CAPZB: variants seen among roughly 807,000 people sequenced by gnomAD.
CAPZB encodes F-actin-capping protein subunit beta.
In CAPZB, 2 loss-of-function variants were observed where a neutral mutation model predicts 38.1. The ratio of observed to expected loss-of-function variants is 0.05; its 90% CI spans 0.02 to 0.17. CAPZB has a LOEUF of 0.17. Among genes scored for constraint, CAPZB ranks in the 10% least tolerant of loss-of-function variants. CAPZB has a pLI of 1.00. For synonymous variants in CAPZB, 107 were observed against 127.4 expected (o/e 0.84, Z 1.08); for missense variants, 161 against 334.2 (o/e 0.48, Z 4.04).
rs79989215 is a variant in CAPZB at position 19,409,460 on chromosome 1, T to G, written c.93+10201A>C. ...CTAACTACTAGTGAGGACCAAAGTT[T>G]CACATATTAGGCGTTTGTGTTTCTT... On this transcript the variant is annotated intron_variant, in intron 2 of 8. Coordinates refer to ENST00000264202, the MANE Select transcript of CAPZB (RefSeq NM_004930.5). Among the ~76,000 whole-genome samples, 262 of 152,314 alleles carry G rather than the reference T, an allele frequency of 1.7e-3. 1 individual carries two copies. The highest frequency in any genetic ancestry group is 6.0e-3 in the African/African-American group (249 of 41,568).
intron 2 of CAPZB, among the ~76,000 whole-genome samples, chr1:19,408,615 C>T (rs924773192): frequency 6.6e-6 from 1 of 152,196 alleles, no homozygotes; most frequent in African/African-American, 2.4e-5. Flanking sequence ...AAAGGGGAGC[C>T]TGAAAGTGGT....
At chr1:19,455,843 C>A (rs757743959) in intron 1 of CAPZB, among the ~76,000 whole-genome samples, 6 of 152,220 alleles carry the variant, frequency 3.9e-5, no homozygotes, top group Admixed American at 6.5e-5. Context: ...GTCACAATCT[C>A]AAGCAAGTTA....
At chr1:19,467,167 T>C (rs1469422750) in intron 1 of CAPZB, among the ~76,000 whole-genome samples, 1 of 152,138 alleles carries the variant, frequency 6.6e-6, no homozygotes, top group Non-Finnish European at 1.5e-5. Flanking sequence ...AGATCCACCA[T>C]GCCTGGCAAC....
intron 1 of CAPZB, among the ~76,000 whole-genome samples, chr1:19,476,216 ATAGATAGATAG>A (rs879840364): frequency 0.24 from 31,415 of 131,148 alleles, 3,792 homozygotes; most frequent in Admixed American, 0.33. Context: ...AGATAGATAG[ATAGATAGATAG>A]GCAGGCAGGC....
At chr1:19,403,755 G>C (rs1221195196) in intron 2 of CAPZB, among the ~76,000 whole-genome samples, 1 of 152,184 alleles carries the variant, frequency 6.6e-6, no homozygotes, top group Admixed American at 6.5e-5. Flanking sequence ...AATGAGGATT[G>C]GGACATACCT....
intron 1 of CAPZB, among the ~76,000 whole-genome samples, chr1:19,437,152 C>T (rs1452210950): frequency 1.3e-5 from 2 of 152,234 alleles, no homozygotes; most frequent in East Asian, 1.9e-4. Context: ...AAAAAGGTTT[C>T]TCATCCAGAC....
intron 1 of CAPZB, among the ~76,000 whole-genome samples, chr1:19,453,056 C>T (rs766688450): frequency 6.6e-6 from 1 of 151,908 alleles, no homozygotes; most frequent in African/African-American, 2.4e-5. Context: ...CCACCTGCCT[C>T]AGCCTCCCAA....
At chr1:19,437,206 CTT>C (rs2094460902) in intron 1 of CAPZB, among the ~76,000 whole-genome samples, 1 of 152,188 alleles carries the variant, frequency 6.6e-6, no homozygotes, top group Non-Finnish European at 1.5e-5. Flanking sequence ...AGCAAACAGT[CTT>C]GCAATAAGGA....
intron 2 of CAPZB, among the ~76,000 whole-genome samples, chr1:19,394,772 T>C (rs191175539): frequency 1.4e-3 from 219 of 152,122 alleles, no homozygotes; most frequent in African/African-American, 4.8e-3. Flanking sequence ...CCACGCAACA[T>C]AGATTTGAGA....
rs142772627 is a variant in CAPZB at position 19,396,973 on chromosome 1, T to C, written c.94-11347A>G. Among the ~76,000 whole-genome samples, 350 of 151,808 alleles carry C rather than the reference T, an allele frequency of 2.3e-3. 3 individuals carry two copies. The highest frequency in any genetic ancestry group is 4.0e-3 in the Non-Finnish European group (269 of 67,912). On this transcript the variant is annotated intron_variant, in intron 2 of 8. Transcript: ENST00000264202. Reference sequence around the variant, plus strand: ...TCTCAAAAAATTAAAAAAAAAAAGATTATCGTATTGGCTTGTATTCTTCTG... The same window carrying C: ...TCTCAAAAAATTAAAAAAAAAAAGACTATCGTATTGGCTTGTATTCTTCTG...
chr1:19,426,496 T>C (rs1472055919), intron 1 of CAPZB, among the ~76,000 whole-genome samples: 1 of 152,130 alleles, frequency 6.6e-6, no homozygotes, highest in East Asian at 1.9e-4. Flanking sequence ...TTTGTAACTT[T>C]TTATCATCAG....
intron 4 of CAPZB, among the ~76,000 whole-genome samples, chr1:19,364,775 T>G (rs2094073886): frequency 1.3e-5 from 2 of 152,162 alleles, no homozygotes; most frequent in Non-Finnish European, 2.9e-5. Flanking sequence ...TAGCTTTCAT[T>G]AGCAATCACA....
At chr1:19,384,275 C>T (rs901686931) in intron 3 of CAPZB, among the ~76,000 whole-genome samples, 2 of 152,160 alleles carry the variant, frequency 1.3e-5, no homozygotes, top group African/African-American at 4.8e-5. Context: ...TTCTCCACCT[C>T]TGGCCTTCTG....
chr1:19,399,588 A>G (rs1566533), intron 2 of CAPZB, among the ~76,000 whole-genome samples: 152,065 of 152,318 alleles, frequency 1, 75,906 homozygotes, highest in Middle Eastern at 1. Flanking sequence ...CATGGGCCAC[A>G]GCTCCCTGGT....
At chr1:19,479,574 T>C (rs1262446071) in intron 1 of CAPZB, among the ~76,000 whole-genome samples, 2 of 152,196 alleles carry the variant, frequency 1.3e-5, no homozygotes, top group Non-Finnish European at 2.9e-5. Context: ...AATCATTCCG[T>C]GTCACTCTGC....
chr1:19,339,517 A>G lies in CAPZB; in HGVS notation c.*13T>C. ...CGAGTGCACGGCGTGTCTGGTTAGCATGAAACAGAGGTTTAGCATTGCTGC... is the reference window on the plus strand; with the variant it reads ...CGAGTGCACGGCGTGTCTGGTTAGCGTGAAACAGAGGTTTAGCATTGCTGC... On this transcript the variant is annotated 3_prime_UTR_variant, in exon 9 of 9. Coordinates refer to ENST00000264202, the MANE Select transcript of CAPZB (RefSeq NM_004930.5). The G allele has an allele frequency of 1.3e-6, 2 of 1,597,186 alleles. No homozygotes were observed. The highest frequency in any genetic ancestry group is 1.7e-5 in the Admixed American group (1 of 60,016).
intron 7 of CAPZB, among the ~76,000 whole-genome samples, chr1:19,344,931 G>A (rs2093952602): frequency 6.6e-6 from 1 of 152,216 alleles, no homozygotes; most frequent in Non-Finnish European, 1.5e-5. Context: ...GTGCGCCCCA[G>A]AGCCAGCGCC....
intron 1 of CAPZB, chr1:19,484,645 G>C: frequency 8.6e-7 from 1 of 1,167,854 alleles, no homozygotes; most frequent in Non-Finnish European, 1.1e-6. Flanking sequence ...TGCAAAGAAG[G>C]CGCGCCCCAG....
At chr1:19,459,657 T>A (rs575438554) in intron 1 of CAPZB, among the ~76,000 whole-genome samples, 13 of 152,304 alleles carry the variant, frequency 8.5e-5, no homozygotes, top group African/African-American at 2.6e-4. Context: ...TCCACTTGGT[T>A]GAAGAAGAGT....
Sources: gnomAD v4.1 joint callset for allele counts (sites outside exome capture counted in the v4.1 genomes callset) on GRCh38, gnomAD v4.1.1 for gene constraint, MANE v1.5 for transcripts, NCBI Gene and HGNC (gene_info 2026-07-23, HGNC 2026-07-21) for gene names.